The following PCDHA1 variants were observed in gnomAD, a reference collection of about 807,000 sequenced individuals.
PCDHA1 encodes protocadherin alpha-1.
In PCDHA1, 42 loss-of-function variants were observed where a neutral mutation model predicts 61.3. The observed-to-expected ratio is 0.69, with a 90% CI of 0.54 to 0.89. The LOEUF is 0.89. Ranked by LOEUF, PCDHA1 falls within the 40% of genes least tolerant of loss-of-function variation. The pLI is 0.00. For synonymous variants in PCDHA1, 610 were observed against 553.8 expected (o/e 1.10, Z -1.43); for missense variants, 1,256 against 1,235.3 (o/e 1.02, Z -0.25).
At chr5:140,834,787 C>G in intron 1 of PCDHA1, 1 of 1,613,658 alleles carries the variant, frequency 6.2e-7, no homozygotes, top group Non-Finnish European at 8.5e-7. Flanking sequence ...GTGTTCCCAG[C>G]GACACAAAGG....
intron 3 of PCDHA1, among the ~76,000 whole-genome samples, chr5:140,986,690 AAC>A (rs2097209708): frequency 6.6e-6 from 1 of 152,172 alleles, no homozygotes; most frequent in South Asian, 2.1e-4. Context: ...AAAGTTTCAA[AAC>A]ACACAGCACT....
intron 1 of PCDHA1, chr5:140,966,810 G>C (rs1290992432): frequency 3.2e-6 from 5 of 1,548,566 alleles, no homozygotes; most frequent in Non-Finnish European, 4.3e-6. Context: ...GAGCATCCAC[G>C]GCTCCGGCGG....
At chr5:140,931,508 A>G (rs1214894603) in intron 1 of PCDHA1, among the ~76,000 whole-genome samples, 8 of 152,078 alleles carry the variant, frequency 5.3e-5, no homozygotes, top group Non-Finnish European at 1.0e-4. Flanking sequence ...TTAAACATAT[A>G]TGAATGATTA....
rs782745865 is a variant in PCDHA1, at chr5:140,809,475, G to A, written c.2394+20791G>A. The stretch of plus-strand genomic sequence containing the variant: ...AGGCCGAGGGTGTGCTCTGGTGAGG[G>A]CCCACCCAAGACCGACCTCATGGCC... On this transcript the variant is annotated intron_variant, in intron 1 of 3. Transcript: ENST00000504120. 6.8e-6 allele frequency: 11 copies of A among 1,614,216 alleles called. No homozygotes were observed. In the East Asian group the frequency reaches 2.0e-4, roughly 29 times the overall value.
chr5:140,914,318 T>C (rs2076678777), intron 1 of PCDHA1, among the ~76,000 whole-genome samples: 6 of 152,216 alleles, frequency 3.9e-5, no homozygotes, highest in Admixed American at 3.9e-4. Flanking sequence ...CCCATTATCA[T>C]TGTACAAAGA....
chr5:140,796,805 G>A, intron 1 of PCDHA1: 1 of 1,614,118 alleles, frequency 6.2e-7, no homozygotes, highest in Non-Finnish European at 8.5e-7. Flanking sequence ...CTTCAGCTGG[G>A]TACTGGCAGC....
intron 1 of PCDHA1, chr5:140,857,181 C>CAGG (rs782645351): frequency 1.3e-6 from 2 of 1,598,372 alleles, no homozygotes; most frequent in African/African-American, 2.7e-5. Context: ...GACCATGATT[C>CAGG]AGGAGCCAAC....
rs574825520 is a variant in PCDHA1, at chr5:140,801,343, C to T, written c.2394+12659C>T. 300 of 1,613,294 alleles carry T rather than the reference C, an allele frequency of 1.9e-4. 1 individual carries two copies. In the South Asian group the frequency reaches 3.0e-3, roughly 16 times the overall value. ...CATGGCACCTTCGTGGGCCGCATCG[C>T]GCAGGACCTGGGGCTGGAGCTGGCG... On this transcript the variant is annotated intron_variant, in intron 1 of 3. Coordinates refer to ENST00000504120, the MANE Select transcript of PCDHA1 (RefSeq NM_018900.4).
At chr5:140,929,192 A>C (rs1367500775) in intron 1 of PCDHA1, 1 of 1,614,124 alleles carries the variant, frequency 6.2e-7, no homozygotes, top group Non-Finnish European at 8.5e-7. Context: ...TCTGATAATA[A>C]CAGTTTGCTG....
chr5:140,842,051 C>A, intron 1 of PCDHA1: 1 of 1,613,852 alleles, frequency 6.2e-7, no homozygotes, highest in Non-Finnish European at 8.5e-7. Context: ...CACTTTCGAA[C>A]AGTCTGAATA....
At chr5:140,969,968 G>A (rs935403265) in intron 1 of PCDHA1, among the ~76,000 whole-genome samples, 2 of 152,200 alleles carry the variant, frequency 1.3e-5, no homozygotes, top group Non-Finnish European at 2.9e-5. Flanking sequence ...GCTGTATGAT[G>A]TGGCAACTCT....
At chr5:140,959,935 T>C (rs2095518080) in intron 1 of PCDHA1, among the ~76,000 whole-genome samples, 2 of 152,178 alleles carry the variant, frequency 1.3e-5, no homozygotes, top group African/African-American at 4.8e-5. Context: ...CCCCATTACT[T>C]AGGCAGAATA....
intron 1 of PCDHA1, among the ~76,000 whole-genome samples, chr5:140,895,943 TG>T (rs1176755658): frequency 6.6e-6 from 1 of 152,148 alleles, no homozygotes; most frequent in Non-Finnish European, 1.5e-5. Flanking sequence ...CCCGAGTAGC[TG>T]GGATTACAGG....
chr5:140,863,308 G>T (rs782229195), intron 1 of PCDHA1: 3 of 1,462,294 alleles, frequency 2.1e-6, no homozygotes, highest in Non-Finnish European at 1.9e-6. Context: ...CGCCATCTGC[G>T]TGGTGTCCAG....
chr5:140,887,074 G>T (rs1554182860), intron 1 of PCDHA1, among the ~76,000 whole-genome samples: 2 of 151,506 alleles, frequency 1.3e-5, no homozygotes, highest in Non-Finnish European at 2.9e-5. Flanking sequence ...AATTCACTCA[G>T]CTTTTGTCTG....
In PCDHA1 at chr5:140,927,203, C is replaced by T. The variant is rs782141467; in HGVS notation, c.2395-51746C>T. ...ACCTACGACCTGGTGCTCGAGGACC[C>T]GCTGGAGCTGCACAAGATTCGGATT... On this transcript the variant is annotated intron_variant, in intron 1 of 3. Transcript: ENST00000504120. 65 of 1,614,104 alleles carry T rather than the reference C, an allele frequency of 4.0e-5. No homozygotes were observed. Among genetic ancestry groups the T allele is most frequent in the Non-Finnish European group, 5.1e-5 (60 of 1,180,040 alleles).
chr5:140,875,291 T>C, intron 1 of PCDHA1: 2 of 1,397,914 alleles, frequency 1.4e-6, no homozygotes, highest in Non-Finnish European at 1.9e-6. Flanking sequence ...AACAGGAAAA[T>C]TTTTTTCTCC....
chr5:140,942,902 A>G (rs956281163), intron 1 of PCDHA1, among the ~76,000 whole-genome samples: 7 of 152,112 alleles, frequency 4.6e-5, no homozygotes, highest in Admixed American at 1.3e-4. Context: ...ATCTCTAAGA[A>G]TAAGCGTGAA....
rs1430300644 is a variant in PCDHA1 at position 141,011,992 on chromosome 5, C to T, written c.*2055C>T. 6.5e-6 allele frequency: 1 copy of T among 153,658 alleles called. No individual in the cohort carries two copies. The highest frequency in any genetic ancestry group is 1.5e-5 in the Non-Finnish European group (1 of 68,022). 9.5% of individuals were successfully genotyped at this position (153,658 alleles called of 1,614,324 possible). ...TGTCTTGTCTACTTTTAGCTTCATTCTCCCATATTTTGAAGGGTGTGTAAC... is the reference window on the plus strand; with the variant it reads ...TGTCTTGTCTACTTTTAGCTTCATTTTCCCATATTTTGAAGGGTGTGTAAC... On this transcript the variant is annotated 3_prime_UTR_variant, in exon 4 of 4. Transcript: ENST00000504120.
Sources: allele counts gnomAD v4.1 joint callset (sites outside exome capture counted in the v4.1 genomes callset), GRCh38; gene constraint gnomAD v4.1.1; transcripts MANE v1.5; gene names NCBI Gene and HGNC (gene_info 2026-07-23, HGNC 2026-07-21).